CDH18: variants seen among roughly 807,000 people sequenced by gnomAD.
CDH18 encodes cadherin-18.
CDH18 carries 31 observed loss-of-function variants against 67.9 expected under a neutral mutation model. The observed-to-expected ratio is 0.46, with a 90% CI of 0.34 to 0.62. The LOEUF (loss-of-function observed/expected upper bound fraction) is 0.62. CDH18 is among the 20% of genes least tolerant of loss of function. The pLI, the probability that CDH18 is intolerant of heterozygous loss-of-function variation, is 0.01. For missense variants in CDH18, 890 were observed against 975.5 expected, an observed-to-expected ratio of 0.91 and a Z score of 1.17; for synonymous variants, 362 against 347.2, an observed-to-expected ratio of 1.04 and a Z score of -0.48.
Position 20,437,656 on chromosome 5 carries a change from C to T in CDH18, c.-580+137806G>A, listed in dbSNP as rs577260070. 5.3e-5 allele frequency among the ~76,000 whole-genome samples: 8 copies of T among 151,412 alleles called. No individual in the cohort carries two copies. The South Asian group carries it at 1.4e-3, about 27-fold the overall frequency. ...AGTGAATAGCCTTAAAATAAATGAA[C>T]GTTCTGCTGAAAGCAACACAATTCA... is the stretch of plus-strand genomic sequence containing the variant. On this transcript the variant is annotated intron_variant, in intron 1 of 14. Coordinates refer to the CDH18 transcript ENST00000507958.
intron 1 of CDH18, chr5:20,331,584 T>C (rs577629573): frequency 5.3e-4 from 81 of 152,310 alleles, no homozygotes; most frequent in African/African-American, 1.8e-3. Context: ...TGATAAGCAC[T>C]AATTTTGACT....
intron 1 of CDH18, among the ~76,000 whole-genome samples, chr5:20,467,968 A>G (rs1458447000): frequency 1.3e-5 from 2 of 149,976 alleles, no homozygotes; most frequent in African/African-American, 4.9e-5. Flanking sequence ...TTATTATTCT[A>G]TTTACTTACT....
At position 19,649,909 on chromosome 5, in the gene CDH18, T is replaced by C. The variant is rs935691963; in HGVS notation, c.644-37308A>G. On this transcript the variant is annotated intron_variant, in intron 5 of 12. Transcript: ENST00000382275. ...GCTTTCTTGTGGACATATTGAGTAA[T>C]GGTGGATGACTGTGAGTCAATACTG... Among the ~76,000 whole-genome samples, 6 of 152,084 alleles carry C rather than the reference T, an allele frequency of 3.9e-5. No individual in the cohort carries two copies. In the South Asian group the frequency reaches 8.3e-4, roughly 21 times the overall value.
chr5:19,647,757 C>T (rs1194900671), intron 5 of CDH18, among the ~76,000 whole-genome samples: 3 of 151,830 alleles, frequency 2.0e-5, no homozygotes, highest in East Asian at 1.9e-4. Flanking sequence ...ACTCACCCTG[C>T]GTTTGTATTC....
intron 2 of CDH18, among the ~76,000 whole-genome samples, chr5:20,107,247 T>A (rs568363985): frequency 6.6e-6 from 1 of 152,054 alleles, no homozygotes; most frequent in East Asian, 2.0e-4. Context: ...CGCCCGGCTA[T>A]TTTTTTAGTA....
intron 1 of CDH18, among the ~76,000 whole-genome samples, chr5:20,501,231 T>TA (rs1754228533): frequency 6.6e-6 from 1 of 151,730 alleles, no homozygotes; most frequent in African/African-American, 2.4e-5. Context: ...TTATTAAATG[T>TA]AAATAACTGT....
chr5:20,093,739 C>A (rs1460770040), intron 2 of CDH18, among the ~76,000 whole-genome samples: 1 of 152,092 alleles, frequency 6.6e-6, no homozygotes, highest in African/African-American at 2.4e-5. Context: ...CTATGAGTTG[C>A]ATTTCTTTTC....
intron 1 of CDH18, among the ~76,000 whole-genome samples, chr5:20,362,069 A>C (rs1209605711): frequency 6.6e-6 from 1 of 152,184 alleles, no homozygotes. Flanking sequence ...GTATACGTAC[A>C]TATTCTTCCC....
rs80092444 is a variant in CDH18, at chr5:19,986,097, AAG to A, written c.-376+1987_-376+1988del. ...TATTTATATCAGCCAATGGGACAAAAAGTACTTTATATTTATAGCAGCTTTCA... is the reference window on the plus strand; with the variant it reads ...TATTTATATCAGCCAATGGGACAAAATACTTTATATTTATAGCAGCTTTCA... On this transcript the variant is annotated intron_variant, in intron 1 of 12. Coordinates refer to ENST00000382275, the MANE Select transcript of CDH18 (RefSeq NM_004934.5). Among the ~76,000 whole-genome samples the A allele has an allele frequency of 1.3e-3, 195 of 152,360 alleles. 4 individuals carry two copies. The East Asian group carries it at 0.036, about 28-fold the overall frequency.
At chr5:19,890,538 A>AGACATTTCACATTAATG in intron 2 of CDH18, among the ~76,000 whole-genome samples, 1 of 152,072 alleles carries the variant, frequency 6.6e-6, no homozygotes. Context: ...TTGACACTGC[A>AGACATTTCACATTAATG]CAGAAAATGC....
At chr5:19,938,307 T>A (rs1384382540) in intron 2 of CDH18, among the ~76,000 whole-genome samples, 1 of 151,254 alleles carries the variant, frequency 6.6e-6, no homozygotes, top group Non-Finnish European at 1.5e-5. Context: ...TCTGCTCATA[T>A]CCTTTAGACT....
At chr5:19,593,707 C>CCTCCTCCTCCTTCTTCTTCTTCTTCTT in intron 6 of CDH18, among the ~76,000 whole-genome samples, 5 of 33,394 alleles carry the variant, frequency 1.5e-4, no homozygotes, top group Middle Eastern at 0.021. Context: ...TCCTCCTCCT[C>CCTCCTCCTCCTTCTTCTTCTTCTTCTT]CTTCTTCTTC....
At chr5:20,070,557 G>T (rs1049306624) in intron 2 of CDH18, among the ~76,000 whole-genome samples, 4 of 152,128 alleles carry the variant, frequency 2.6e-5, no homozygotes, top group African/African-American at 9.7e-5. Flanking sequence ...GAAGAAATGG[G>T]CAAACAATTA....
intron 5 of CDH18, among the ~76,000 whole-genome samples, chr5:19,678,402 A>G (rs1234774057): frequency 2.0e-5 from 3 of 151,984 alleles, no homozygotes; most frequent in African/African-American, 7.2e-5. Flanking sequence ...AAACAATACA[A>G]TTAAGATGGT....
rs182568164 is a variant in CDH18, at chr5:19,582,653, G to C, written c.999+8404C>G. 5.9e-5 allele frequency among the ~76,000 whole-genome samples: 9 copies of C among 151,998 alleles called. No individual in the cohort carries two copies. The East Asian group carries it at 1.5e-3, about 26-fold the overall frequency. On this transcript the variant is annotated intron_variant, in intron 7 of 12. Coordinates refer to ENST00000382275, the MANE Select transcript of CDH18 (RefSeq NM_004934.5). ...TTTTTTTGATAATGAAATTCCTAAG[G>C]AATGTTCATATTTTGTAAGCAGTCC...
At position 19,732,324 on chromosome 5, in the gene CDH18, C is replaced by A. The variant is rs1259864343; in HGVS notation, c.524-10858G>T. On this transcript the variant is annotated intron_variant, in intron 4 of 12. Coordinates refer to ENST00000382275, the MANE Select transcript of CDH18 (RefSeq NM_004934.5). ...AAAAAATTATACAGATGTTGTGGCACACACCTGTAGTCCCAGTTAATCAGA... is the reference window on the plus strand; with the variant it reads ...AAAAAATTATACAGATGTTGTGGCAAACACCTGTAGTCCCAGTTAATCAGA... Among the ~76,000 whole-genome samples, 22 of 151,970 alleles carry A rather than the reference C, an allele frequency of 1.4e-4. No individual in the cohort carries two copies. In the South Asian group the frequency reaches 4.6e-3, roughly 32 times the overall value.
At chr5:20,417,373 A>G (rs970716450) in intron 1 of CDH18, among the ~76,000 whole-genome samples, 20 of 152,160 alleles carry the variant, frequency 1.3e-4, no homozygotes, top group Admixed American at 1.3e-3. Context: ...CTAATAGCAA[A>G]TCTTCAGAAT....
At chr5:20,559,943 G>C (rs917692548) in intron 1 of CDH18, among the ~76,000 whole-genome samples, 1 of 112,918 alleles carries the variant, frequency 8.9e-6, no homozygotes, top group Admixed American at 1.0e-4. Context: ...AAATTTCCCT[G>C]CTAGGTCTGT....
intron 2 of CDH18, among the ~76,000 whole-genome samples, chr5:19,898,974 C>T (rs1481763906): frequency 2.6e-5 from 4 of 151,866 alleles, no homozygotes; most frequent in Non-Finnish European, 5.9e-5. Context: ...ACCAAATAAC[C>T]CAATTAAAAA....
Sources: allele counts gnomAD v4.1 joint callset (sites outside exome capture counted in the v4.1 genomes callset), GRCh38; gene constraint gnomAD v4.1.1; transcripts MANE v1.5; gene names NCBI Gene and HGNC (gene_info 2026-07-23, HGNC 2026-07-21).